Variants in NBEA observed in about 807,000 individuals in gnomAD.
NBEA encodes the protein lysosomal-trafficking regulator 2.
A neutral mutation model predicts 343.4 loss-of-function variants in NBEA; 44 were observed. That is an observed-to-expected ratio of 0.13 (90% confidence interval 0.10 to 0.16). NBEA has a LOEUF of 0.16. NBEA is among the 10% of genes least tolerant of loss of function. NBEA has a pLI of 1.00. For synonymous variants in NBEA, 1,175 were observed against 1,238.7 expected, an observed-to-expected ratio of 0.95 and a Z score of 1.08; for missense variants, 2,555 against 3,631.3, an observed-to-expected ratio of 0.70 and a Z score of 7.62.
intron 27 of NBEA, among the ~76,000 whole-genome samples, chr13:35,176,348 A>T (rs1446024156): frequency 6.6e-6 from 1 of 152,038 alleles, no homozygotes; most frequent in African/African-American, 2.4e-5. Flanking sequence ...ATCTAATTTA[A>T]TCCATACAAT....
At chr13:35,119,305 CA>C (rs1440081630) in intron 16 of NBEA, among the ~76,000 whole-genome samples, 1 of 152,046 alleles carries the variant, frequency 6.6e-6, no homozygotes, top group Non-Finnish European at 1.5e-5. Context: ...ATGTATAACT[CA>C]GTGAATTTCC....
At chr13:35,143,572 A>AT (rs927321364) in intron 18 of NBEA, among the ~76,000 whole-genome samples, 4 of 152,224 alleles carry the variant, frequency 2.6e-5, no homozygotes, top group African/African-American at 9.6e-5. Flanking sequence ...GTACTACTAA[A>AT]TATCCATAAT....
At chr13:35,299,140 G>A in intron 35 of NBEA, among the ~76,000 whole-genome samples, 1 of 151,854 alleles carries the variant, frequency 6.6e-6, no homozygotes, top group Non-Finnish European at 1.5e-5. Context: ...ACACACCTAT[G>A]TATTTTAGTG....
chr13:35,205,933 A>T (rs2073365195), intron 31 of NBEA, among the ~76,000 whole-genome samples: 2 of 152,016 alleles, frequency 1.3e-5, no homozygotes, highest in Admixed American at 6.6e-5. Flanking sequence ...AAGCTTAGAG[A>T]GATCTATGTG....
intron 45 of NBEA, among the ~76,000 whole-genome samples, chr13:35,581,371 A>G (rs1025943290): frequency 7.9e-5 from 12 of 152,116 alleles, no homozygotes; most frequent in Non-Finnish European, 1.8e-4. Context: ...TCTGATGGCC[A>G]GTGATGATGA....
At chr13:35,362,792 CA>C (rs1225267325) in intron 38 of NBEA, among the ~76,000 whole-genome samples, 1 of 151,856 alleles carries the variant, frequency 6.6e-6, no homozygotes, top group Non-Finnish European at 1.5e-5. Flanking sequence ...ACTTCCAAAA[CA>C]AGAGTTCTTA....
At chr13:35,438,955 A>G (rs1216006611) in intron 39 of NBEA, among the ~76,000 whole-genome samples, 2 of 152,234 alleles carry the variant, frequency 1.3e-5, no homozygotes, top group Non-Finnish European at 2.9e-5. Flanking sequence ...GATTTTAAAC[A>G]GACTCAGAGG....
At chr13:35,507,617 C>G (rs2077121698) in intron 41 of NBEA, among the ~76,000 whole-genome samples, 2 of 152,082 alleles carry the variant, frequency 1.3e-5, no homozygotes, top group Non-Finnish European at 2.9e-5. Flanking sequence ...GAGCCAAAAC[C>G]TTGGAGTTAA....
chr13:35,475,057 C>A, intron 41 of NBEA: 2 of 1,610,448 alleles, frequency 1.2e-6, no homozygotes, highest in Non-Finnish European at 1.7e-6. Flanking sequence ...TTAAATCATC[C>A]TCTAAAGTTT....
At chr13:35,362,415 A>G (rs2040859915) in intron 38 of NBEA, among the ~76,000 whole-genome samples, 1 of 151,984 alleles carries the variant, frequency 6.6e-6, no homozygotes, top group Non-Finnish European at 1.5e-5. Flanking sequence ...AAAGATTATG[A>G]ATTATTAAGA....
intron 26 of NBEA, among the ~76,000 whole-genome samples, chr13:35,171,768 C>T (rs1449041217): frequency 6.6e-6 from 1 of 151,850 alleles, no homozygotes; most frequent in Admixed American, 6.6e-5. Flanking sequence ...AATGCAAATC[C>T]ATTTATGAAT....
At position 35,478,107 on chromosome 13, in the gene NBEA, G is replaced by C. The variant is rs73497943; in HGVS notation, c.6585+5571G>C. On this transcript the variant is annotated intron_variant, in intron 41 of 58. Transcript: ENST00000379939. ...ACACTTTCAGAGTCACTTTTAACAAGATATTCTTCAGGGCTCCCACTTGCT... is the reference window on the plus strand; with the variant it reads ...ACACTTTCAGAGTCACTTTTAACAACATATTCTTCAGGGCTCCCACTTGCT... Among the ~76,000 whole-genome samples the C allele has an allele frequency of 2.5e-3, 375 of 152,260 alleles. 1 individual carries two copies. Among genetic ancestry groups the C allele is most frequent in the African/African-American group, 8.7e-3 (360 of 41,562 alleles).
intron 35 of NBEA, among the ~76,000 whole-genome samples, chr13:35,298,984 A>G (rs1218629641): frequency 6.6e-6 from 1 of 152,040 alleles, no homozygotes; most frequent in Non-Finnish European, 1.5e-5. Flanking sequence ...TATGTTTTAT[A>G]TGCATTGAAA....
At chr13:35,585,131 T>TAAAAAA (rs775053482) in intron 46 of NBEA, among the ~76,000 whole-genome samples, 3 of 71,448 alleles carry the variant, frequency 4.2e-5, no homozygotes, top group African/African-American at 6.0e-5. Flanking sequence ...TCACTGACCT[T>TAAAAAA]AAAAAAAAAA....
At chr13:35,592,330 G>T (rs1044083382) in intron 46 of NBEA, among the ~76,000 whole-genome samples, 1 of 152,048 alleles carries the variant, frequency 6.6e-6, no homozygotes, top group Non-Finnish European at 1.5e-5. Context: ...TATGTACCAG[G>T]AGTTGTTCTA....
intron 10 of NBEA, among the ~76,000 whole-genome samples, chr13:35,071,358 T>G (rs1477964958): frequency 6.6e-6 from 1 of 152,042 alleles, no homozygotes; most frequent in Admixed American, 6.6e-5. Context: ...ATATAGTTTA[T>G]ATGTGAGGAC....
At chr13:35,508,286 C>A (rs1032386767) in intron 41 of NBEA, among the ~76,000 whole-genome samples, 9 of 152,054 alleles carry the variant, frequency 5.9e-5, no homozygotes, top group African/African-American at 2.2e-4. Context: ...GGACAGAATG[C>A]TGGCAAGAAT....
intron 38 of NBEA, among the ~76,000 whole-genome samples, chr13:35,355,594 G>A (rs766874738): frequency 2.7e-4 from 41 of 152,040 alleles, no homozygotes; most frequent in Non-Finnish European, 5.1e-4. Context: ...CATTCACTGA[G>A]GGGGAAAATA....
At chr13:35,152,377 A>T (rs974994217) in intron 18 of NBEA, among the ~76,000 whole-genome samples, 2 of 152,180 alleles carry the variant, frequency 1.3e-5, no homozygotes, top group African/African-American at 4.8e-5. Context: ...AGAAAGTCAC[A>T]AAGTTAGGTA....
Sources: gnomAD v4.1 joint callset for allele counts (sites outside exome capture counted in the v4.1 genomes callset) on GRCh38, gnomAD v4.1.1 for gene constraint, MANE v1.5 for transcripts, NCBI Gene and HGNC (gene_info 2026-07-23, HGNC 2026-07-21) for gene names.